Variants in ITSN1 observed in about 807,000 individuals in gnomAD.
The protein encoded by ITSN1 is intersectin 1.
ITSN1 carries 58 observed loss-of-function variants against 239.8 expected under a neutral mutation model. That is an observed-to-expected ratio of 0.24 (90% CI 0.20 to 0.30). The LOEUF is 0.30. Among genes scored for constraint, ITSN1 ranks in the 10% least tolerant of loss-of-function variants. The probability of loss-of-function intolerance (pLI) is 1.00; values close to 1 mark genes in which losing one functional copy is unlikely to be tolerated. For missense variants in ITSN1, 1,558 were observed against 2,103.3 expected (o/e 0.74, Z 5.07); for synonymous variants, 780 against 770.8 (o/e 1.01, Z -0.20).
At chr21:33,664,313 C>T (rs1341738363) in intron 1 of ITSN1, among the ~76,000 whole-genome samples, 1 of 152,070 alleles carries the variant, frequency 6.6e-6, no homozygotes, top group African/African-American at 2.4e-5. Flanking sequence ...TAGCTTGGTG[C>T]CGCTGCTGTG....
chr21:33,870,667 C>T (rs574593456), intron 33 of ITSN1, among the ~76,000 whole-genome samples: 2 of 152,304 alleles, frequency 1.3e-5, no homozygotes, highest in South Asian at 2.1e-4. Context: ...GGCTCACACC[C>T]ATAATACCAG....
At chr21:33,748,678 G>A (rs8129602) in intron 5 of ITSN1, among the ~76,000 whole-genome samples, 24,750 of 148,498 alleles carry the variant, frequency 0.17, 2,657 homozygotes, top group African/African-American at 0.3. Context: ...CATCTCTACC[G>A]CCCCACCAAA....
intron 18 of ITSN1, 99 bp from the exon 19 acceptor site, chr21:33,799,709 T>C (rs1169381832): frequency 1.1e-5 from 14 of 1,285,646 alleles, no homozygotes; most frequent in Non-Finnish European, 1.4e-5. Flanking sequence ...GAGGTTAAGA[T>C]AGGCAATAGA....
chr21:33,754,286 C>T (rs1041788298), intron 7 of ITSN1: 2 of 152,002 alleles, frequency 1.3e-5, no homozygotes, highest in East Asian at 1.9e-4. Flanking sequence ...AAGTACTTCT[C>T]GAGTGTTTGG....
At chr21:33,784,032 T>G (rs1434127038) in intron 16 of ITSN1, among the ~76,000 whole-genome samples, 1 of 152,224 alleles carries the variant, frequency 6.6e-6, no homozygotes, top group Non-Finnish European at 1.5e-5. Context: ...TCACAGAGTT[T>G]CTTACATAAA....
chr21:33,767,411 G>C (rs1322699529), intron 10 of ITSN1, among the ~76,000 whole-genome samples: 3 of 152,084 alleles, frequency 2.0e-5, no homozygotes, highest in African/African-American at 4.8e-5. Flanking sequence ...CTCCCACTTA[G>C]TGCTCACCAT....
intron 1 of ITSN1, among the ~76,000 whole-genome samples, chr21:33,681,000 G>A (rs897411100): frequency 7.2e-5 from 11 of 152,172 alleles, no homozygotes; most frequent in African/African-American, 1.2e-4. Context: ...CTCAGTTTAA[G>A]GCTCTTTGTG....
intron 20 of ITSN1, among the ~76,000 whole-genome samples, chr21:33,807,420 C>T (rs2072543609): frequency 6.6e-6 from 1 of 152,214 alleles, no homozygotes. Context: ...TCACTGCAAC[C>T]TCCGCCTCCC....
chr21:33,722,853 G>T (rs188631432), intron 4 of ITSN1, among the ~76,000 whole-genome samples: 1 of 152,278 alleles, frequency 6.6e-6, no homozygotes, highest in Non-Finnish European at 1.5e-5. Flanking sequence ...AACAAAAAAA[G>T]TGGTGACATT....
rs571181247 is a variant in ITSN1 at position 33,746,111 on chromosome 21, C to T, written c.347-4032C>T. On this transcript the variant is annotated intron_variant, in intron 5 of 39. Transcript: ENST00000381318. The stretch of plus-strand genomic sequence containing the variant: ...AAAAAGCCAGGCTTAAAGATAAAAA[C>T]GAATTTTTTAAAAACCCAACTGAGC... Among the ~76,000 whole-genome samples, 11 of 152,228 alleles carry T rather than the reference C, an allele frequency of 7.2e-5. No homozygotes were observed. In the South Asian group the frequency reaches 2.3e-3, roughly 32 times the overall value.
At chr21:33,645,560 G>A (rs2087861944) in intron 1 of ITSN1, among the ~76,000 whole-genome samples, 2 of 152,178 alleles carry the variant, frequency 1.3e-5, no homozygotes. Flanking sequence ...GGGAGGATCT[G>A]GTTCGCTTGA....
intron 20 of ITSN1, among the ~76,000 whole-genome samples, chr21:33,809,648 C>T (rs2072746174): frequency 6.6e-6 from 1 of 152,130 alleles, no homozygotes; most frequent in Admixed American, 6.6e-5. Flanking sequence ...TGTTAAGACC[C>T]TGCCTACTCA....
chr21:33,804,709 C>T (rs918220316), intron 20 of ITSN1, among the ~76,000 whole-genome samples: 2 of 152,208 alleles, frequency 1.3e-5, no homozygotes, highest in Non-Finnish European at 2.9e-5. Flanking sequence ...GACCTATGCT[C>T]ACTGCTGTTT....
At chr21:33,673,397 C>T (rs934131509) in intron 1 of ITSN1, among the ~76,000 whole-genome samples, 2 of 152,098 alleles carry the variant, frequency 1.3e-5, no homozygotes, top group Non-Finnish European at 2.9e-5. Context: ...AACACACACA[C>T]GTAGCTATGT....
intron 1 of ITSN1, among the ~76,000 whole-genome samples, chr21:33,660,348 G>T (rs1026033703): frequency 6.6e-6 from 1 of 152,094 alleles, no homozygotes; most frequent in South Asian, 2.1e-4. Flanking sequence ...AGGTCCCCAA[G>T]GAACTTTTCT....
chr21:33,843,899 G>C (rs2074907111), intron 29 of ITSN1, among the ~76,000 whole-genome samples: 1 of 152,212 alleles, frequency 6.6e-6, no homozygotes, highest in African/African-American at 2.4e-5. Flanking sequence ...TAGCTTTGTT[G>C]CTGTTGTTTT....
chr21:33,827,082 A>G (rs1602473090), intron 26 of ITSN1, among the ~76,000 whole-genome samples: 2 of 152,342 alleles, frequency 1.3e-5, no homozygotes, highest in East Asian at 1.9e-4. Flanking sequence ...ACCTAACAGA[A>G]TGTTCTCTTG....
At chr21:33,781,857 G>A (rs2070215934) in intron 15 of ITSN1, 137 bp from the exon 16 acceptor site, 1 of 822,172 alleles carries the variant, frequency 1.2e-6, no homozygotes, top group Non-Finnish European at 1.9e-6. Flanking sequence ...GGGATTACAG[G>A]TGTAGGCCAC....
chr21:33,682,282 C>CGCAATG (rs2091007265), intron 1 of ITSN1, among the ~76,000 whole-genome samples: 1 of 150,114 alleles, frequency 6.7e-6, no homozygotes, highest in African/African-American at 2.5e-5. Context: ...ATGGCGCAAT[C>CGCAATG]TCAGCTCACC....
Sources: allele counts gnomAD v4.1 joint callset (sites outside exome capture counted in the v4.1 genomes callset), GRCh38; gene constraint gnomAD v4.1.1; transcripts MANE v1.5; gene names NCBI Gene and HGNC (gene_info 2026-07-23, HGNC 2026-07-21).